Variants in RSPO3 observed in about 807,000 individuals in gnomAD.
RSPO3 encodes the protein R-spondin 3, also known as R-spondin-3.
In RSPO3, 17 loss-of-function variants were observed where a neutral mutation model predicts 36.5. That is an observed-to-expected ratio of 0.47 (90% CI 0.32 to 0.70). The LOEUF (loss-of-function observed/expected upper bound fraction) is 0.70, where lower values mean the gene tolerates loss of function less well. Among genes scored for constraint, RSPO3 ranks in the 30% least tolerant of loss-of-function variants. RSPO3 has a pLI of 0.04. For synonymous variants in RSPO3, 108 were observed against 107.0 expected, an observed-to-expected ratio of 1.01 and a Z score of -0.06; for missense variants, 294 against 322.5, an observed-to-expected ratio of 0.91 and a Z score of 0.68.
Position 127,197,347 on chromosome 6 carries a change from T to C in RSPO3, c.*1340T>C. On this transcript the variant is annotated 3_prime_UTR_variant, in exon 5 of 5. Transcript: ENST00000356698. ...TTCATTGCTTAGAAATGGGCATCAT[T>C]TCTTGTATGTCAGATCCCCCTGCAT... 1 of 1,523,598 alleles carries C rather than the reference T, an allele frequency of 6.6e-7. No individual in the cohort carries two copies. Among genetic ancestry groups the C allele is most frequent in the Non-Finnish European group, 8.8e-7 (1 of 1,131,306 alleles). The allele number at this position is 1,523,598 out of a possible 1,614,324, so 94.4% of individuals were successfully genotyped here. A position where few individuals can be genotyped will look rare whatever the true frequency, so the allele number is the denominator to read the frequency against.
At chr6:127,140,647 T>C (rs1774250210) in intron 1 of RSPO3, among the ~76,000 whole-genome samples, 1 of 152,228 alleles carries the variant, frequency 6.6e-6, no homozygotes, top group South Asian at 2.1e-4. Context: ...TCAGACAAAA[T>C]GTGTTGTTTC....
chr6:127,187,111 T>A (rs1041175831), intron 4 of RSPO3, among the ~76,000 whole-genome samples: 4 of 152,136 alleles, frequency 2.6e-5, no homozygotes, highest in Non-Finnish European at 4.4e-5. Context: ...CCAGCGGGCA[T>A]GGTGGTGAGA....
At chr6:127,150,111 C>T (rs1364109010) in intron 2 of RSPO3, among the ~76,000 whole-genome samples, 2 of 151,690 alleles carry the variant, frequency 1.3e-5, no homozygotes, top group Non-Finnish European at 2.9e-5. Context: ...TCTGATGAAA[C>T]ATTTTCACTA....
chr6:127,170,097 TA>T (rs922206910), intron 4 of RSPO3, among the ~76,000 whole-genome samples: 23 of 150,904 alleles, frequency 1.5e-4, no homozygotes, highest in African/African-American at 4.4e-4. Context: ...AGTTGAGGCT[TA>T]AAAAAAAATG....
At chr6:127,138,176 T>C (rs947098819) in intron 1 of RSPO3, among the ~76,000 whole-genome samples, 2 of 152,136 alleles carry the variant, frequency 1.3e-5, no homozygotes, top group African/African-American at 4.8e-5. Context: ...TTACACACAG[T>C]AAAGTTTTAG....
At chr6:127,175,431 T>C (rs1775032955) in intron 4 of RSPO3, among the ~76,000 whole-genome samples, 2 of 151,794 alleles carry the variant, frequency 1.3e-5, no homozygotes, top group African/African-American at 4.8e-5. Flanking sequence ...CCTTCTTCAG[T>C]GGTGGCATAT....
At chr6:127,122,285 G>A (rs1180335191) in intron 1 of RSPO3, among the ~76,000 whole-genome samples, 1 of 152,046 alleles carries the variant, frequency 6.6e-6, no homozygotes, top group Admixed American at 6.5e-5. Flanking sequence ...ATTTAGTTAT[G>A]GGTGAATAAA....
intron 4 of RSPO3, among the ~76,000 whole-genome samples, chr6:127,170,676 T>C (rs1458788076): frequency 6.6e-6 from 1 of 151,746 alleles, no homozygotes; most frequent in Non-Finnish European, 1.5e-5. Context: ...GATATATACA[T>C]ACAATGAGAT....
intron 4 of RSPO3, among the ~76,000 whole-genome samples, chr6:127,191,086 C>A (rs906393552): frequency 1.3e-4 from 20 of 152,116 alleles, no homozygotes; most frequent in African/African-American, 4.8e-4. Flanking sequence ...TGCACTTGAA[C>A]AGGTTTTAAA....
intron 4 of RSPO3, among the ~76,000 whole-genome samples, chr6:127,159,342 G>A (rs998715280): frequency 2.6e-5 from 4 of 152,136 alleles, no homozygotes; most frequent in African/African-American, 9.7e-5. Flanking sequence ...CACAGATAGT[G>A]TATGATCTTG....
At chr6:127,127,226 A>G (rs1001130636) in intron 1 of RSPO3, among the ~76,000 whole-genome samples, 5 of 152,080 alleles carry the variant, frequency 3.3e-5, no homozygotes, top group Non-Finnish European at 5.9e-5. Flanking sequence ...CATATGCTCG[A>G]TAAGTTGGTA....
intron 1 of RSPO3, among the ~76,000 whole-genome samples, chr6:127,122,601 A>G (rs1344543639): frequency 2.0e-5 from 3 of 152,170 alleles, no homozygotes; most frequent in South Asian, 4.1e-4. Flanking sequence ...CCTGCCATGA[A>G]TCTCACAGTT....
intron 4 of RSPO3, among the ~76,000 whole-genome samples, chr6:127,186,256 C>G (rs1041483931): frequency 6.6e-6 from 1 of 152,062 alleles, no homozygotes; most frequent in Non-Finnish European, 1.5e-5. Context: ...GATTCCAGAA[C>G]ATGTATTTTA....
chr6:127,135,561 T>G (rs889190675), intron 1 of RSPO3, among the ~76,000 whole-genome samples: 3 of 151,786 alleles, frequency 2.0e-5, no homozygotes, highest in Non-Finnish European at 2.9e-5. Flanking sequence ...GAAAGGTGAT[T>G]GGAGAAGAGG....
chr6:127,135,330 A>G (rs1437685732), intron 1 of RSPO3, among the ~76,000 whole-genome samples: 1 of 149,592 alleles, frequency 6.7e-6, no homozygotes, highest in Non-Finnish European at 1.5e-5. Context: ...CTGAGGCAGG[A>G]GAATTGCTTG....
At chr6:127,132,257 A>G (rs1476621270) in intron 1 of RSPO3, among the ~76,000 whole-genome samples, 1 of 152,142 alleles carries the variant, frequency 6.6e-6, no homozygotes, top group Non-Finnish European at 1.5e-5. Context: ...AGATCTTAGT[A>G]GTGTTTGCAA....
chr6:127,172,288 T>C (rs953318357), intron 4 of RSPO3, among the ~76,000 whole-genome samples: 1 of 150,910 alleles, frequency 6.6e-6, no homozygotes, highest in African/African-American at 2.4e-5. Flanking sequence ...TAAAACCAAA[T>C]TGTTTAATAC....
chr6:127,123,011 T>A (rs982130538), intron 1 of RSPO3, among the ~76,000 whole-genome samples: 1 of 152,102 alleles, frequency 6.6e-6, no homozygotes, highest in Non-Finnish European at 1.5e-5. Flanking sequence ...AAGCACTCAT[T>A]GCACAATCTA....
At chr6:127,142,826 GT>G (rs893123925) in intron 1 of RSPO3, among the ~76,000 whole-genome samples, 3 of 148,766 alleles carry the variant, frequency 2.0e-5, no homozygotes, top group South Asian at 2.1e-4. Context: ...TTTTGTTTTT[GT>G]TTTTTTTTAG....
Sources: gnomAD v4.1 joint callset for allele counts (sites outside exome capture counted in the v4.1 genomes callset) on GRCh38, gnomAD v4.1.1 for gene constraint, MANE v1.5 for transcripts, NCBI Gene and HGNC (gene_info 2026-07-23, HGNC 2026-07-21) for gene names.